The following TCAIM variants were observed in gnomAD, a reference collection of about 807,000 sequenced individuals.
TCAIM encodes the protein T-cell activation inhibitor, mitochondrial.
Under a neutral mutation model 58.6 loss-of-function variants are expected in TCAIM, and 36 were observed. The observed-to-expected ratio is 0.61, with a 90% confidence interval of 0.47 to 0.81. The LOEUF (loss-of-function observed/expected upper bound fraction) is 0.81, where lower values mean the gene tolerates loss of function less well. Ranked by LOEUF, TCAIM falls within the 30% of genes least tolerant of loss-of-function variation. TCAIM has a pLI of 0.00. For missense variants in TCAIM, 466 were observed against 579.6 expected (o/e 0.80, Z 2.01); for synonymous variants, 172 against 193.6 (o/e 0.89, Z 0.93).
chr3:44,356,217 G>T (rs12631963), intron 2 of TCAIM, among the ~76,000 whole-genome samples: 1 of 152,104 alleles, frequency 6.6e-6, no homozygotes, highest in African/African-American at 2.4e-5. Context: ...GCAATGTTTA[G>T]AGACTTCATT....
At chr3:44,378,145 C>T (rs188656995) in intron 5 of TCAIM, among the ~76,000 whole-genome samples, 80 of 152,116 alleles carry the variant, frequency 5.3e-4, no homozygotes, top group African/African-American at 1.8e-3. Flanking sequence ...CTTTGGGAGG[C>T]TGAGGTGGGT....
chr3:44,394,911 AAAAAAAAAAAATATATATATATATAT>A (rs1235546579), intron 6 of TCAIM, among the ~76,000 whole-genome samples: 21 of 52,376 alleles, frequency 4.0e-4, no homozygotes, highest in Non-Finnish European at 6.8e-4. Flanking sequence ...AAAAAAAAAA[AAAAAAAAAAAATATATATATATATAT>A]ATATATATAT....
intron 3 of TCAIM, chr3:44,359,562 C>G (rs1349281730): frequency 6.6e-6 from 1 of 152,178 alleles, no homozygotes; most frequent in Non-Finnish European, 1.5e-5. Context: ...GCTTACCTGA[C>G]TGACCCCCAG....
intron 4 of TCAIM, among the ~76,000 whole-genome samples, chr3:44,363,706 A>G (rs1701325576): frequency 6.6e-6 from 1 of 152,186 alleles, no homozygotes; most frequent in Non-Finnish European, 1.5e-5. Flanking sequence ...TGCTAAGACA[A>G]ATAGCTGTAG....
intron 1 of TCAIM, among the ~76,000 whole-genome samples, chr3:44,348,973 G>A (rs542187775): frequency 4.6e-5 from 7 of 150,860 alleles, no homozygotes; most frequent in Non-Finnish European, 8.9e-5. Flanking sequence ...GTCACAGAAC[G>A]AAACTGTAAG....
chr3:44,349,910 G>T (rs1218401161), intron 1 of TCAIM, among the ~76,000 whole-genome samples: 1 of 151,934 alleles, frequency 6.6e-6, no homozygotes, highest in Non-Finnish European at 1.5e-5. Flanking sequence ...ATGTTCCTTG[G>T]GCTGGTTGGT....
intron 5 of TCAIM, among the ~76,000 whole-genome samples, chr3:44,373,209 T>A (rs1701508180): frequency 6.6e-6 from 1 of 152,020 alleles, no homozygotes; most frequent in Admixed American, 6.6e-5. Flanking sequence ...AATGGGAGAT[T>A]TATCAGGTCA....
intron 5 of TCAIM, 46 bp from the exon 6 acceptor site, chr3:44,392,809 G>A (rs1453463793): frequency 1.3e-6 from 2 of 1,538,776 alleles, no homozygotes; most frequent in South Asian, 1.2e-5. Context: ...GTAAAAATAT[G>A]TATATTATAG....
At chr3:44,358,191 A>G (rs1553657651) in intron 3 of TCAIM, 2 of 1,560,460 alleles carry the variant, frequency 1.3e-6, no homozygotes, top group African/African-American at 1.4e-5. Context: ...ATCATGATCA[A>G]TCTCTCTCTC....
At chr3:44,358,065 T>C in intron 3 of TCAIM, 189 bp downstream of exon 3, 1 of 1,352,326 alleles carries the variant, frequency 7.4e-7, no homozygotes, top group Non-Finnish European at 9.8e-7. Context: ...GCTGTCATTG[T>C]TTTGTGCAGG....
intron 4 of TCAIM, among the ~76,000 whole-genome samples, chr3:44,363,918 G>GTTTTT (rs1701328325): frequency 3.7e-5 from 4 of 106,722 alleles, no homozygotes; most frequent in African/African-American, 3.5e-5. Context: ...CAGCAAGTCT[G>GTTTTT]TCTTTTTTTT....
At chr3:44,401,169 A>C in intron 9 of TCAIM, 34 bp from the exon 10 acceptor site, 2 of 1,609,212 alleles carry the variant, frequency 1.2e-6, no homozygotes, top group Non-Finnish European at 1.7e-6. Context: ...GGAGAGGGTC[A>C]GTGGTTTTTC....
chr3:44,363,827 A>C (rs1701326929), intron 4 of TCAIM, among the ~76,000 whole-genome samples: 1 of 149,864 alleles, frequency 6.7e-6, no homozygotes, highest in Non-Finnish European at 1.5e-5. Flanking sequence ...ACAAGCCTGT[A>C]CTCCCAGCTA....
chr3:44,379,994 A>G (rs890889944), intron 5 of TCAIM, among the ~76,000 whole-genome samples: 11 of 152,182 alleles, frequency 7.2e-5, no homozygotes, highest in South Asian at 4.1e-4. Flanking sequence ...CCTCCGTGAC[A>G]TGAGTTTGCC....
rs2125660825 is a variant in TCAIM at position 44,408,368 on chromosome 3, G to A, written c.*686G>A. 6.6e-6 allele frequency: 1 copy of A among 152,242 alleles called. No homozygotes were observed. The highest frequency in any genetic ancestry group is 1.9e-4 in the East Asian group (1 of 5,170). The allele number at this position is 152,242 out of a possible 1,614,324, so 9.4% of individuals were successfully genotyped here. ...AATGTCCAAAACAGGTGATTGATAG[G>A]TAACAGAAATTAGATAACCACCAAT... On this transcript the variant is annotated 3_prime_UTR_variant, in exon 11 of 11. Coordinates refer to ENST00000342649, the MANE Select transcript of TCAIM (RefSeq NM_173826.4).
chr3:44,399,765 C>T (rs1427253515), intron 8 of TCAIM, among the ~76,000 whole-genome samples: 3 of 152,196 alleles, frequency 2.0e-5, no homozygotes, highest in Non-Finnish European at 4.4e-5. Context: ...TGAACCTCCT[C>T]TGTATCCACT....
At chr3:44,387,117 T>A (rs1701756231) in intron 5 of TCAIM, among the ~76,000 whole-genome samples, 1 of 151,894 alleles carries the variant, frequency 6.6e-6, no homozygotes, top group South Asian at 2.1e-4. Flanking sequence ...CGGGAAGGAG[T>A]TACCCACTTC....
In TCAIM at chr3:44,357,766, C is replaced by T; in HGVS notation, c.55C>T (p.His19Tyr). ...GTTATGTCTAGAGAAGATATTTCCA[C>T]ACTGGTTTCCCTTTTCAAGAGCTTT... is the stretch of plus-strand genomic sequence containing the variant. ...RRLCLEKIFP[H>Y]WFPFSRALSG... The change falls in exon 3 of 11, where the codon CAC becomes TAC. Residue 19 changes from histidine (H) to tyrosine (Y), a missense_variant. Transcript: ENST00000342649. 1 of 1,614,146 alleles carries T rather than the reference C, an allele frequency of 6.2e-7. No homozygotes were observed. Among genetic ancestry groups the T allele is most frequent in the Non-Finnish European group, 8.5e-7 (1 of 1,180,008 alleles).
rs1701232586 is a variant in TCAIM, at chr3:44,358,137, T to G, written c.165+261T>G. ...TAATCATGTTTTTGGTACCAATTTTTGAAGTACAGTTGAGGGTTTGAAAGA... is the reference window on the plus strand; with the variant it reads ...TAATCATGTTTTTGGTACCAATTTTGGAAGTACAGTTGAGGGTTTGAAAGA... On this transcript the variant is annotated intron_variant, in intron 3 of 10. Transcript: ENST00000342649. 5.4e-6 allele frequency: 8 copies of G among 1,493,970 alleles called. No individual in the cohort carries two copies. The South Asian group carries it at 6.7e-5, about 12-fold the overall frequency. 92.5% of individuals were successfully genotyped at this position (1,493,970 alleles called of 1,614,324 possible).
Sources: allele counts gnomAD v4.1 joint callset (sites outside exome capture counted in the v4.1 genomes callset), GRCh38; gene constraint gnomAD v4.1.1; transcripts MANE v1.5; gene names NCBI Gene and HGNC (gene_info 2026-07-23, HGNC 2026-07-21).